Variants in FMN1 observed in about 807,000 individuals in gnomAD.
FMN1 encodes the protein formin-1.
FMN1 carries 110 observed loss-of-function variants against 132.4 expected under a neutral mutation model. That is an observed-to-expected ratio of 0.83 (90% CI 0.71 to 0.97). The LOEUF is 0.97. Ranked by LOEUF, FMN1 falls within the 50% of genes least tolerant of loss-of-function variation. FMN1 has a pLI of 0.00. For missense variants in FMN1, 1,792 were observed against 1,705.3 expected, an observed-to-expected ratio of 1.05 and a Z score of -0.90; for synonymous variants, 722 against 651.7, an observed-to-expected ratio of 1.11 and a Z score of -1.64.
chr15:32,841,623 G>T (rs1236123682), intron 17 of FMN1, among the ~76,000 whole-genome samples: 1 of 152,122 alleles, frequency 6.6e-6, no homozygotes, highest in South Asian at 2.1e-4. Context: ...GATGGTTCTT[G>T]TGTGTTTCAG....
At chr15:33,037,348 G>A (rs1365719399) in intron 6 of FMN1, among the ~76,000 whole-genome samples, 1 of 152,114 alleles carries the variant, frequency 6.6e-6, no homozygotes, top group Non-Finnish European at 1.5e-5. Context: ...TCTGAGTTTG[G>A]GTGAGGAGGG....
chr15:33,122,173 C>T (rs1046953009), intron 4 of FMN1, among the ~76,000 whole-genome samples: 1 of 152,202 alleles, frequency 6.6e-6, no homozygotes, highest in Admixed American at 6.5e-5. Flanking sequence ...GTGCAATGTT[C>T]TTAGGTGAAA....
intron 19 of FMN1, among the ~76,000 whole-genome samples, chr15:32,795,140 C>A (rs1176878984): frequency 1.3e-5 from 2 of 152,174 alleles, no homozygotes; most frequent in Admixed American, 1.3e-4. Context: ...GTCAAGGCTG[C>A]AGTAAGCTAT....
intron 7 of FMN1, among the ~76,000 whole-genome samples, chr15:32,975,196 G>T (rs1233616555): frequency 2.0e-5 from 3 of 151,964 alleles, no homozygotes; most frequent in African/African-American, 4.8e-5. Context: ...ATTCCTTTTT[G>T]TTTCCAAAGA....
chr15:32,937,641 C>T (rs933482913), intron 9 of FMN1, among the ~76,000 whole-genome samples: 2 of 152,144 alleles, frequency 1.3e-5, no homozygotes, highest in African/African-American at 4.8e-5. Flanking sequence ...GGCTGGGTTC[C>T]ACCAAATATG....
chr15:32,852,890 G>A (rs975960819), intron 17 of FMN1, among the ~76,000 whole-genome samples: 14 of 152,114 alleles, frequency 9.2e-5, no homozygotes, highest in African/African-American at 3.4e-4. Flanking sequence ...TCTTATCACC[G>A]TTTTGGTCTT....
chr15:32,802,240 C>T (rs1270017455), intron 18 of FMN1, among the ~76,000 whole-genome samples: 1 of 152,138 alleles, frequency 6.6e-6, no homozygotes, highest in Non-Finnish European at 1.5e-5. Flanking sequence ...CTTTTTAATT[C>T]AGCCAAACAT....
Position 33,153,349 on chromosome 15 carries a change from C to G in FMN1, c.1566G>C (p.Ser522=), listed in dbSNP as rs781355617. Residue 522 remains serine (S), a synonymous_variant, in exon 4 of 21, where the codon TCG becomes TCC. Coordinates refer to ENST00000616417, the MANE Select transcript of FMN1 (RefSeq NM_001277313.2). ...GGCTGGGGAGCCTTGGAGACAGAGG[C>G]GAGGGAACAGGTGACGTCTGTTTGT... The part of the protein sequence containing the change: ...STHKQTSPVP[S]PLSPRLPSPQ... 7.2e-5 allele frequency: 110 copies of G among 1,536,178 alleles called. No homozygotes were observed. Among genetic ancestry groups the G allele is most frequent in the Non-Finnish European group, 9.3e-5 (107 of 1,146,936 alleles).
chr15:32,800,718 C>T (rs2057449128), intron 18 of FMN1, among the ~76,000 whole-genome samples: 1 of 152,154 alleles, frequency 6.6e-6, no homozygotes, highest in Non-Finnish European at 1.5e-5. Context: ...TAGGGTTGGG[C>T]CTGGAATTCA....
intron 6 of FMN1, among the ~76,000 whole-genome samples, chr15:33,009,154 T>C (rs1004776997): frequency 7.9e-5 from 12 of 152,176 alleles, no homozygotes; most frequent in African/African-American, 2.7e-4. Flanking sequence ...GAAAGTTCTG[T>C]GGGTTCTAAA....
In FMN1 at chr15:32,912,740, GA is replaced by G. The variant is rs200570155; in HGVS notation, c.3227-2206del. On this transcript the variant is annotated intron_variant, in intron 10 of 20. Transcript: ENST00000616417. ...TCTGAAGGAACACATTCAAGGTATA[GA>G]AAAAAAAAAATCAAGGTGACTATCA... is the stretch of plus-strand genomic sequence containing the variant. 9.0e-4 allele frequency among the ~76,000 whole-genome samples: 130 copies of G among 144,608 alleles called. 1 individual carries two copies. The highest frequency in any genetic ancestry group is 7.4e-3 in the Middle Eastern group (2 of 272). The allele number at this position is 144,608 out of a possible 152,430, so 94.9% of individuals were successfully genotyped here. A position where few individuals can be genotyped will look rare whatever the true frequency, so the allele number is the denominator to read the frequency against.
chr15:33,157,034 G>A (rs1255228308), intron 3 of FMN1, among the ~76,000 whole-genome samples: 1 of 151,904 alleles, frequency 6.6e-6, no homozygotes, highest in Non-Finnish European at 1.5e-5. Context: ...TTGGGAGGCC[G>A]AGGTGGGCAG....
intron 4 of FMN1, among the ~76,000 whole-genome samples, chr15:33,108,985 TAATACTAAA>T (rs1029625833): frequency 1.3e-5 from 2 of 152,090 alleles, no homozygotes; most frequent in African/African-American, 2.4e-5. Flanking sequence ...TTATCCAGTC[TAATACTAAA>T]AATGTCCCCA....
At position 32,766,551 on chromosome 15, in the gene FMN1, ATCT is replaced by A. The variant is rs2056055429; in HGVS notation, c.*7756_*7758del. 1 of 117,524 alleles carries A rather than the reference ATCT, an allele frequency of 8.5e-6. No individual in the cohort carries two copies. The highest frequency in any genetic ancestry group is 1.7e-5 in the Non-Finnish European group (1 of 57,830). The allele number at this position is 117,524 out of a possible 1,614,324, so 7.3% of individuals were successfully genotyped here. ...AAGAACCCCCCCCCCACCCCGCCCA[ATCT>A]TCTTAAAATAAAATAAAAAGAGACG... On this transcript the variant is annotated 3_prime_UTR_variant, in exon 21 of 21. Transcript: ENST00000616417.
chr15:32,798,778 C>A, intron 19 of FMN1, 26 bp downstream of exon 19: 1 of 1,594,326 alleles, frequency 6.3e-7, no homozygotes, highest in Admixed American at 1.7e-5. Flanking sequence ...CTGAAGGAGG[C>A]ATTAAAATCT....
intron 17 of FMN1, among the ~76,000 whole-genome samples, chr15:32,820,062 G>A (rs1186612812): frequency 6.6e-6 from 1 of 152,148 alleles, no homozygotes; most frequent in Admixed American, 6.5e-5. Flanking sequence ...AAACTGATAT[G>A]CCTAAAGATA....
At chr15:33,053,502 A>C (rs2037075132) in intron 6 of FMN1, among the ~76,000 whole-genome samples, 1 of 152,174 alleles carries the variant, frequency 6.6e-6, no homozygotes, top group African/African-American at 2.4e-5. Context: ...AGTTCGGGAA[A>C]GGGGCCAAGA....
chr15:32,998,176 G>A (rs890368225), intron 7 of FMN1, among the ~76,000 whole-genome samples: 4 of 152,126 alleles, frequency 2.6e-5, no homozygotes, highest in Admixed American at 6.5e-5. Context: ...AAACGTCTCT[G>A]GGCTGTATTT....
intron 6 of FMN1, among the ~76,000 whole-genome samples, chr15:33,011,619 C>A (rs996973308): frequency 2.6e-5 from 4 of 151,914 alleles, no homozygotes; most frequent in African/African-American, 9.7e-5. Context: ...TTAAAATATA[C>A]CATAGAGAAA....
Sources: gnomAD v4.1 joint callset for allele counts (sites outside exome capture counted in the v4.1 genomes callset) on GRCh38, gnomAD v4.1.1 for gene constraint, MANE v1.5 for transcripts, NCBI Gene and HGNC (gene_info 2026-07-23, HGNC 2026-07-21) for gene names.